SH3D19: variants seen among roughly 807,000 people sequenced by gnomAD.
SH3D19 encodes the protein SH3 domain containing 19, also known as SH3 domain-containing protein 19.
In SH3D19, 58 loss-of-function variants were observed where a neutral mutation model predicts 112.1. That is an observed-to-expected ratio of 0.52 (90% CI 0.42 to 0.64). The LOEUF (loss-of-function observed/expected upper bound fraction) is 0.64, where lower values mean the gene tolerates loss of function less well. Among genes scored for constraint, SH3D19 ranks in the 30% least tolerant of loss-of-function variants. The pLI is 0.00. For synonymous variants in SH3D19, 391 were observed against 448.5 expected (o/e 0.87, Z 1.62); for missense variants, 1,090 against 1,263.4 (o/e 0.86, Z 2.08).
intron 2 of SH3D19, among the ~76,000 whole-genome samples, chr4:151,222,672 T>TC (rs1768284509): frequency 9.8e-5 from 14 of 143,104 alleles, no homozygotes; most frequent in South Asian, 7.0e-4. Context: ...TCTCTCTTTT[T>TC]TTTTTTTTTT....
At chr4:151,309,153 G>A (rs565697010) in intron 1 of SH3D19, among the ~76,000 whole-genome samples, 1 of 152,338 alleles carries the variant, frequency 6.6e-6, no homozygotes, top group South Asian at 2.1e-4. Flanking sequence ...ACAGGCGTGA[G>A]CCACCGGGCC....
chr4:151,177,364 G>C (rs1315358434), intron 4 of SH3D19, among the ~76,000 whole-genome samples: 1 of 152,198 alleles, frequency 6.6e-6, no homozygotes, highest in Non-Finnish European at 1.5e-5. Flanking sequence ...ATCTGAGACA[G>C]AGTCTCACTC....
intron 1 of SH3D19, among the ~76,000 whole-genome samples, chr4:151,296,058 A>AAGAC (rs1237792823): frequency 2.0e-5 from 3 of 151,990 alleles, no homozygotes; most frequent in Non-Finnish European, 4.4e-5. Context: ...GAAAGAAAGA[A>AAGAC]AGAAAGAAAG....
chr4:151,157,129 A>G (rs1441646194), intron 9 of SH3D19, among the ~76,000 whole-genome samples: 1 of 151,988 alleles, frequency 6.6e-6, no homozygotes, highest in Non-Finnish European at 1.5e-5. Flanking sequence ...GCATGCGCCT[A>G]TAGTTCCAGC....
intron 1 of SH3D19, among the ~76,000 whole-genome samples, chr4:151,249,415 G>C (rs568833827): frequency 1.3e-5 from 2 of 152,134 alleles, no homozygotes; most frequent in African/African-American, 2.4e-5. Flanking sequence ...ATTCTGTATA[G>C]AATTAGCACG....
chr4:151,233,014 G>C (rs1769735251), intron 1 of SH3D19, among the ~76,000 whole-genome samples: 1 of 152,134 alleles, frequency 6.6e-6, no homozygotes, highest in Non-Finnish European at 1.5e-5. Context: ...ATTTCTGCCT[G>C]AGCTCTGCCT....
intron 19 of SH3D19, among the ~76,000 whole-genome samples, chr4:151,123,243 T>C (rs1748423331): frequency 6.6e-6 from 1 of 152,252 alleles, no homozygotes; most frequent in Admixed American, 6.5e-5. Flanking sequence ...GTCTAGTTAG[T>C]GGTAGAACCA....
chr4:151,264,273 A>G (rs1772598438), intron 1 of SH3D19, among the ~76,000 whole-genome samples: 1 of 152,004 alleles, frequency 6.6e-6, no homozygotes, highest in African/African-American at 2.4e-5. Context: ...TCTATTAAAA[A>G]TACAAAAATT....
intron 2 of SH3D19, among the ~76,000 whole-genome samples, chr4:151,196,901 T>C (rs555146459): frequency 6.6e-6 from 1 of 152,262 alleles, no homozygotes; most frequent in South Asian, 2.1e-4. Context: ...ATGCCCGACA[T>C]CATTAATTAT....
intron 2 of SH3D19, among the ~76,000 whole-genome samples, chr4:151,194,016 ATTTT>A (rs201719037): frequency 6.5e-3 from 725 of 111,436 alleles, no homozygotes; most frequent in Non-Finnish European, 9.4e-3. Flanking sequence ...AGTAGGATTA[ATTTT>A]TTTTTTTTTT....
At chr4:151,220,626 C>T (rs1418432401) in intron 2 of SH3D19, among the ~76,000 whole-genome samples, 1 of 152,116 alleles carries the variant, frequency 6.6e-6, no homozygotes, top group Non-Finnish European at 1.5e-5. Context: ...CCCTCTAATT[C>T]GTTTCCCAAA....
intron 14 of SH3D19, 62 bp downstream of exon 14, chr4:151,137,670 C>A: frequency 7.4e-7 from 1 of 1,354,804 alleles, no homozygotes; most frequent in Non-Finnish European, 9.8e-7. Context: ...TTTTTCCAAC[C>A]TACAAGTCAC....
chr4:151,290,101 A>T (rs773025969), intron 1 of SH3D19, among the ~76,000 whole-genome samples: 2 of 152,160 alleles, frequency 1.3e-5, no homozygotes, highest in Non-Finnish European at 2.9e-5. Flanking sequence ...ATATGCCACC[A>T]TAGCAGCTAT....
In SH3D19 at chr4:151,148,035, G is replaced by T. The variant is rs2149775748; in HGVS notation, c.1969C>A (p.Gln657Lys). Residue 657 changes from glutamine to lysine, a missense_variant, in exon 11 of 20, where the codon CAA (glutamine) becomes AAA (lysine). Gln to Lys is a moderately conservative substitution (Grantham distance 53). Transcript: ENST00000604030. ...SSSDMDLQKKQSNLATGLSKA... is the reference protein window; with the variant it reads ...SSSDMDLQKKKSNLATGLSKA... ...GAGAGTCCAGTTGCCAAGTTACTTT[G>T]TTTTTTCTGAAGATCCATGTCAGAA... 1 of 1,614,068 alleles carries T rather than the reference G, an allele frequency of 6.2e-7. No individual in the cohort carries two copies. The highest frequency in any genetic ancestry group is 2.2e-5 in the East Asian group (1 of 44,876).
At chr4:151,253,403 T>A (rs926865636) in intron 1 of SH3D19, among the ~76,000 whole-genome samples, 1 of 152,212 alleles carries the variant, frequency 6.6e-6, no homozygotes, top group African/African-American at 2.4e-5. Flanking sequence ...TTAAAAGTTA[T>A]GCCCCACTCC....
At chr4:151,308,678 G>C (rs1321140246) in intron 1 of SH3D19, among the ~76,000 whole-genome samples, 1 of 152,110 alleles carries the variant, frequency 6.6e-6, no homozygotes, top group Admixed American at 6.5e-5. Flanking sequence ...AAAAACAAAA[G>C]ACAGCCAATT....
chr4:151,176,355 T>C (rs1378572534), intron 6 of SH3D19, among the ~76,000 whole-genome samples, 179 bp downstream of exon 6: 1 of 152,228 alleles, frequency 6.6e-6, no homozygotes, highest in Middle Eastern at 3.2e-3. Flanking sequence ...TTTGTAAGAA[T>C]GATCTATTAT....
rs1747955502 is a variant in SH3D19, at chr4:151,121,408, T to C, written c.*683A>G. 1 of 138,176 alleles carries C rather than the reference T, an allele frequency of 7.2e-6. No individual in the cohort carries two copies. Among genetic ancestry groups the C allele is most frequent in the Non-Finnish European group, 1.6e-5 (1 of 63,396 alleles). 8.6% of individuals were successfully genotyped at this position (138,176 alleles called of 1,614,324 possible). On this transcript the variant is annotated 3_prime_UTR_variant, in exon 20 of 20. Transcript: ENST00000604030. The stretch of plus-strand genomic sequence containing the variant: ...AAGGATTAGTTGTATTAGCAAGGCA[T>C]TTCAGGGATGGTTTTGGTTCTTTAG...
intron 1 of SH3D19, among the ~76,000 whole-genome samples, chr4:151,271,714 T>C (rs755968408): frequency 6.6e-5 from 10 of 152,144 alleles, no homozygotes; most frequent in Admixed American, 4.6e-4. Flanking sequence ...TAGAATTAAA[T>C]ACTTAAAGCT....
Sources: gnomAD v4.1 joint callset for allele counts (sites outside exome capture counted in the v4.1 genomes callset) on GRCh38, gnomAD v4.1.1 for gene constraint, MANE v1.5 for transcripts, NCBI Gene and HGNC (gene_info 2026-07-23, HGNC 2026-07-21) for gene names.